Variants in FRMD4B observed in about 807,000 individuals in gnomAD.
FRMD4B encodes the protein FERM domain-containing protein 4B.
A neutral mutation model predicts 141.5 loss-of-function variants in FRMD4B; 74 were observed. That is an observed-to-expected ratio of 0.52 (90% CI 0.43 to 0.63). FRMD4B has a LOEUF of 0.63. Ranked by LOEUF, FRMD4B falls within the 30% of genes least tolerant of loss-of-function variation. FRMD4B has a pLI of 0.00. For synonymous variants in FRMD4B, 506 were observed against 467.9 expected, an observed-to-expected ratio of 1.08 and a Z score of -1.05; for missense variants, 1,366 against 1,253.4, an observed-to-expected ratio of 1.09 and a Z score of -1.36.
intron 9 of FRMD4B, 132 bp from the exon 10 acceptor site, chr3:69,218,511 G>C (rs1359542119): frequency 5.4e-6 from 3 of 560,232 alleles, no homozygotes; most frequent in Admixed American, 3.7e-5. Flanking sequence ...CACTCAAGTA[G>C]AAACAGAATA....
intron 1 of FRMD4B, among the ~76,000 whole-genome samples, chr3:69,469,824 A>C (rs1705857790): frequency 6.6e-6 from 1 of 152,248 alleles, no homozygotes. Flanking sequence ...ATTTAGCGGC[A>C]GCAGGTTTTA....
At chr3:69,307,808 C>T (rs1701443288) in intron 3 of FRMD4B, among the ~76,000 whole-genome samples, 1 of 152,176 alleles carries the variant, frequency 6.6e-6, no homozygotes, top group African/African-American at 2.4e-5. Flanking sequence ...ACCTCTGACA[C>T]TGCAAGTCAA....
chr3:69,460,042 A>T (rs2106916992), intron 1 of FRMD4B, among the ~76,000 whole-genome samples: 1 of 152,338 alleles, frequency 6.6e-6, no homozygotes, highest in Admixed American at 6.5e-5. Context: ...TGAATGAATG[A>T]ACCAAGGAAT....
intron 1 of FRMD4B, among the ~76,000 whole-genome samples, chr3:69,327,605 G>T (rs1160419192): frequency 6.6e-6 from 1 of 151,986 alleles, no homozygotes; most frequent in African/African-American, 2.4e-5. Flanking sequence ...TTTATTTTTT[G>T]TGACTCATGT....
At chr3:69,360,900 CATTCTA>C (rs1262842668) in intron 1 of FRMD4B, among the ~76,000 whole-genome samples, 1 of 152,094 alleles carries the variant, frequency 6.6e-6, no homozygotes, top group East Asian at 1.9e-4. Flanking sequence ...AGTATGATGG[CATTCTA>C]ATTCTATTAT....
At chr3:69,473,009 A>G (rs545689535) in intron 1 of FRMD4B, among the ~76,000 whole-genome samples, 17 of 147,168 alleles carry the variant, frequency 1.2e-4, no homozygotes, top group Non-Finnish European at 1.2e-4. Flanking sequence ...TTATTTCTAA[A>G]GGAGAGAAAT....
At chr3:69,188,743 G>A (rs1422568281) in intron 18 of FRMD4B, among the ~76,000 whole-genome samples, 29 of 126,704 alleles carry the variant, frequency 2.3e-4, no homozygotes, top group African/African-American at 8.8e-4. Context: ...CGACCTGGGC[G>A]ACAGAGCGAG....
At position 69,330,806 on chromosome 3, in the gene FRMD4B, G is replaced by A. The variant is rs565890609; in HGVS notation, c.163-17289C>T. 2.0e-5 allele frequency among the ~76,000 whole-genome samples: 3 copies of A among 152,214 alleles called. No homozygotes were observed. In the East Asian group the frequency reaches 5.8e-4, roughly 29 times the overall value. ...GCCACCACGCCCGGCCTCTTTTGCC[G>A]CTGAATTGCTAGATGCCTCCCAGTT... On this transcript the variant is annotated intron_variant, in intron 1 of 22. Transcript: ENST00000398540.
At chr3:69,468,596 T>C (rs147628050) in intron 1 of FRMD4B, among the ~76,000 whole-genome samples, 1,569 of 152,250 alleles carry the variant, frequency 0.01, 14 homozygotes, top group Non-Finnish European at 0.013. Flanking sequence ...TTATGGACAA[T>C]TTTCTGCTCT....
chr3:69,487,568 A>G (rs968895784), intron 1 of FRMD4B, among the ~76,000 whole-genome samples: 4 of 152,188 alleles, frequency 2.6e-5, no homozygotes, highest in African/African-American at 9.7e-5. Context: ...AGTGAATGAG[A>G]CAGATCCATG....
In FRMD4B at chr3:69,169,361, T is replaced by TCC. The variant is rs1458127847; in HGVS notation, c.*2499_*2500insGG. ...TGAACTTCCATTTCTTTCTTTTTTT[T>TCC]TTTTTTTTTTTTTTCTTGAGACAAG... On this transcript the variant is annotated 3_prime_UTR_variant, in exon 23 of 23. Transcript: ENST00000398540. Among the ~76,000 whole-genome samples the TCC allele has an allele frequency of 1.9e-4, 26 of 134,116 alleles. No individual in the cohort carries two copies. The highest frequency in any genetic ancestry group is 4.6e-4 in the African/African-American group (14 of 30,668). 88.0% of individuals were successfully genotyped at this position (134,116 alleles called of 152,430 possible).
At chr3:69,213,232 T>C (rs750105828) in intron 11 of FRMD4B, among the ~76,000 whole-genome samples, 2 of 152,154 alleles carry the variant, frequency 1.3e-5, no homozygotes, top group African/African-American at 2.4e-5. Context: ...AATGAACTGG[T>C]ACCATTTTTT....
At chr3:69,283,976 A>AAAC (rs61537274) in intron 5 of FRMD4B, among the ~76,000 whole-genome samples, 3 of 103,002 alleles carry the variant, frequency 2.9e-5, no homozygotes, top group African/African-American at 7.5e-5. Flanking sequence ...AAAACAAAAC[A>AAAC]AAAAAAACAA....
At chr3:69,493,919 T>C (rs566163778) in intron 1 of FRMD4B, among the ~76,000 whole-genome samples, 1 of 152,312 alleles carries the variant, frequency 6.6e-6, no homozygotes, top group Non-Finnish European at 1.5e-5. Context: ...TGATAAGTAC[T>C]GGGGTGCAGT....
intron 5 of FRMD4B, among the ~76,000 whole-genome samples, chr3:69,286,134 C>G (rs1447883717): frequency 2.0e-5 from 3 of 152,130 alleles, no homozygotes; most frequent in African/African-American, 7.2e-5. Flanking sequence ...TATGCCCACA[C>G]TATAAGAAAT....
chr3:69,426,466 C>A (rs1705079666), intron 2 of FRMD4B, among the ~76,000 whole-genome samples: 1 of 152,110 alleles, frequency 6.6e-6, no homozygotes, highest in African/African-American at 2.4e-5. Context: ...TAATACCAAC[C>A]TATTGGTAAT....
At chr3:69,439,779 G>A (rs1007894993) in intron 1 of FRMD4B, among the ~76,000 whole-genome samples, 6 of 152,054 alleles carry the variant, frequency 3.9e-5, no homozygotes, top group African/African-American at 7.3e-5. Flanking sequence ...CTATTGTGAC[G>A]GGCATAAAAT....
intron 5 of FRMD4B, among the ~76,000 whole-genome samples, chr3:69,282,058 G>A (rs1397604202): frequency 6.6e-6 from 1 of 152,020 alleles, no homozygotes; most frequent in African/African-American, 2.4e-5. Flanking sequence ...ATACTCATGA[G>A]GCTGAATTTT....
At chr3:69,228,781 T>G (rs941269670) in intron 7 of FRMD4B, among the ~76,000 whole-genome samples, 1 of 151,530 alleles carries the variant, frequency 6.6e-6, no homozygotes, top group Admixed American at 6.6e-5. Flanking sequence ...CTCTAGTGAG[T>G]TATGATTGCA....
Sources: gnomAD v4.1 joint callset for allele counts (sites outside exome capture counted in the v4.1 genomes callset) on GRCh38, gnomAD v4.1.1 for gene constraint, MANE v1.5 for transcripts, NCBI Gene and HGNC (gene_info 2026-07-23, HGNC 2026-07-21) for gene names.